PCDHA1: variants seen among roughly 807,000 people sequenced by gnomAD.
PCDHA1 encodes the protein protocadherin alpha 1.
In PCDHA1, 42 loss-of-function variants were observed where a neutral mutation model predicts 61.3. The observed-to-expected ratio is 0.69, with a 90% CI of 0.54 to 0.89. The LOEUF is 0.89. Ranked by LOEUF, PCDHA1 falls within the 40% of genes least tolerant of loss-of-function variation. PCDHA1 has a pLI of 0.00. For missense variants in PCDHA1, 1,256 were observed against 1,235.3 expected (o/e 1.02, Z -0.25); for synonymous variants, 610 against 553.8 (o/e 1.10, Z -1.43).
At chr5:140,928,139 C>T in intron 1 of PCDHA1, 2 of 1,614,174 alleles carry the variant, frequency 1.2e-6, no homozygotes, top group Non-Finnish European at 8.5e-7. Flanking sequence ...GTCCTGATCA[C>T]GGCCTCAGAT....
intron 1 of PCDHA1, chr5:140,856,606 CA>C: frequency 6.3e-7 from 1 of 1,597,764 alleles, no homozygotes; most frequent in Non-Finnish European, 8.6e-7. Flanking sequence ...ACAAAAAAGA[CA>C]AAGACAAATT....
At chr5:140,941,409 C>G (rs1284702446) in intron 1 of PCDHA1, among the ~76,000 whole-genome samples, 1 of 149,924 alleles carries the variant, frequency 6.7e-6, no homozygotes, top group Non-Finnish European at 1.5e-5. Flanking sequence ...CTCCGCCTCC[C>G]GGGTTCAAGC....
chr5:140,933,666 T>C (rs1334972770), intron 1 of PCDHA1, among the ~76,000 whole-genome samples: 3 of 152,046 alleles, frequency 2.0e-5, no homozygotes, highest in Non-Finnish European at 4.4e-5. Context: ...TCTCTCTCTG[T>C]CTCTCTCACA....
chr5:140,835,703 C>G (rs2150242433), intron 1 of PCDHA1: 25 of 1,613,782 alleles, frequency 1.5e-5, no homozygotes, highest in African/African-American at 6.7e-5. Context: ...CCACTGCTAG[C>G]GTGTCCGTGG....
intron 1 of PCDHA1, among the ~76,000 whole-genome samples, chr5:140,963,905 G>A (rs1326633249): frequency 6.6e-6 from 1 of 152,182 alleles, no homozygotes; most frequent in African/African-American, 2.4e-5. Flanking sequence ...TGAGTAAAGT[G>A]AAGCTTAGGC....
rs2150327556 is a variant in PCDHA1, at chr5:140,842,022, A to G, written c.2394+53338A>G. On this transcript the variant is annotated intron_variant, in intron 1 of 3. Transcript: ENST00000504120. Reference sequence around the variant, plus strand: ...GTTCAGCTGCTGGTCACAGTGCTGGATGTGAATGATAATGCTCCCACTTTC... The same window carrying G: ...GTTCAGCTGCTGGTCACAGTGCTGGGTGTGAATGATAATGCTCCCACTTTC... 11 of 1,613,848 alleles carry G rather than the reference A, an allele frequency of 6.8e-6. No homozygotes were observed. The highest frequency in any genetic ancestry group is 3.3e-5 in the Admixed American group (2 of 60,004).
intron 1 of PCDHA1, chr5:140,927,757 A>G (rs957906084): frequency 3.2e-5 from 51 of 1,614,028 alleles, no homozygotes; most frequent in Admixed American, 1.0e-4. Flanking sequence ...CGTGCACCCT[A>G]AAAGTGGGGA....
intron 1 of PCDHA1, chr5:140,814,859 T>C (rs2126659570): frequency 1.3e-5 from 2 of 152,334 alleles, no homozygotes; most frequent in Admixed American, 6.5e-5. Context: ...CTCATATATT[T>C]AGGTGTTTTA....
chr5:140,835,862 G>C (rs1275632045), intron 1 of PCDHA1: 3 of 1,611,998 alleles, frequency 1.9e-6, no homozygotes, highest in East Asian at 4.5e-5. Context: ...TGTCCTACTC[G>C]CTGGTGGAGC....
At position 140,796,070 on chromosome 5, in the gene PCDHA1, T is replaced by C. The variant is rs782391222; in HGVS notation, c.2394+7386T>C. 3.1e-6 allele frequency: 5 copies of C among 1,614,212 alleles called. No individual in the cohort carries two copies. Among genetic ancestry groups the C allele is most frequent in the Admixed American group, 1.7e-5 (1 of 60,028 alleles). On this transcript the variant is annotated intron_variant, in intron 1 of 3. Transcript: ENST00000504120. ...GAGAACGCTTCCCTGGGCACTGTCA[T>C]TGCTCTCATCACGGTGTCGGATCGC...
intron 1 of PCDHA1, chr5:140,841,873 A>T: frequency 6.2e-7 from 1 of 1,613,866 alleles, no homozygotes; most frequent in Non-Finnish European, 8.5e-7. Context: ...ATGTGAATTC[A>T]AAGAACGATG....
chr5:140,796,116 T>G (rs17844248), intron 1 of PCDHA1: 5 of 1,614,210 alleles, frequency 3.1e-6, no homozygotes, highest in Non-Finnish European at 4.2e-6. Context: ...CGAATGGACA[T>G]GTCACCTGCT....
Position 140,797,055 on chromosome 5 carries a change from C to A in PCDHA1, c.2394+8371C>A, listed in dbSNP as rs545469246. ...CAGAGGCTACGCTGGTGGATGTCAA[C>A]GTGTACCTGATCATCGCCATCTGCG... is the stretch of plus-strand genomic sequence containing the variant. On this transcript the variant is annotated intron_variant, in intron 1 of 3. Transcript: ENST00000504120. 3.7e-6 allele frequency: 6 copies of A among 1,613,756 alleles called. No individual in the cohort carries two copies. The African/African-American group carries it at 6.7e-5, about 18-fold the overall frequency.
intron 1 of PCDHA1, among the ~76,000 whole-genome samples, chr5:140,878,510 A>G (rs781881628): frequency 2.0e-5 from 3 of 152,250 alleles, no homozygotes; most frequent in Non-Finnish European, 4.4e-5. Flanking sequence ...ACGATACAGT[A>G]CAGTTGGTAA....
chr5:140,842,600 G>C (rs1778125962), intron 1 of PCDHA1: 1 of 1,543,982 alleles, frequency 6.5e-7, no homozygotes. Flanking sequence ...GGTGGTAACC[G>C]CGCGGGACGG....
chr5:140,904,901 T>C (rs782489947), intron 1 of PCDHA1, among the ~76,000 whole-genome samples: 9 of 152,224 alleles, frequency 5.9e-5, no homozygotes, highest in Non-Finnish European at 1.0e-4. Context: ...TTTGTTTTTC[T>C]TACTGATTTG....
At chr5:140,980,350 G>T (rs1382723470) in intron 2 of PCDHA1, among the ~76,000 whole-genome samples, 1 of 152,128 alleles carries the variant, frequency 6.6e-6, no homozygotes, top group Admixed American at 6.5e-5. Context: ...TAACTTCCTG[G>T]ACTGGGCGCG....
chr5:140,905,327 T>G (rs1446614190), intron 1 of PCDHA1, among the ~76,000 whole-genome samples: 1 of 152,202 alleles, frequency 6.6e-6, no homozygotes, highest in Non-Finnish European at 1.5e-5. Flanking sequence ...TATGCTTTGT[T>G]GAAGATCAGT....
chr5:140,871,369 A>G, intron 1 of PCDHA1: 1 of 1,614,218 alleles, frequency 6.2e-7, no homozygotes. Context: ...GAGGCGGCAG[A>G]GGGTGTGCTC....
Sources: allele counts gnomAD v4.1 joint callset (sites outside exome capture counted in the v4.1 genomes callset), GRCh38; gene constraint gnomAD v4.1.1; transcripts MANE v1.5; gene names NCBI Gene and HGNC (gene_info 2026-07-23, HGNC 2026-07-21).